Variants in ABCC10 observed in about 807,000 individuals in gnomAD.
The protein encoded by ABCC10 is ATP binding cassette subfamily C member 10.
In ABCC10, 110 loss-of-function variants were observed where a neutral mutation model predicts 143.2. The ratio of observed to expected loss-of-function variants is 0.77; its 90% CI spans 0.66 to 0.90. The LOEUF (loss-of-function observed/expected upper bound fraction) is 0.90, where lower values mean the gene tolerates loss of function less well. Ranked by LOEUF, ABCC10 falls within the 40% of genes least tolerant of loss-of-function variation. The pLI is 0.00. For synonymous variants in ABCC10, 805 were observed against 846.7 expected (o/e 0.95, Z 0.85); for missense variants, 1,700 against 1,900.5 (o/e 0.89, Z 1.96).
chr6:43,449,645 C>T (rs1426843615), intron 21 of ABCC10, 111 bp downstream of exon 21: 6 of 891,186 alleles, frequency 6.7e-6, no homozygotes, highest in South Asian at 1.7e-5. Context: ...CCTGCCCCCC[C>T]AGATCTCAGC....
downstream of ABCC10, chr6:43,450,891 G>T: frequency 1.9e-6 from 3 of 1,614,194 alleles, no homozygotes; most frequent in Non-Finnish European, 2.5e-6. The surrounding 1 kb of genome is among the most constrained non-coding windows in gnomAD (Gnocchi z 4.5). Flanking sequence ...TACAGCTGAG[G>T]TGGGCCCTAG....
chr6:43,429,112 A>C (rs1780817407), intron 2 of ABCC10, among the ~76,000 whole-genome samples: 1 of 152,204 alleles, frequency 6.6e-6, no homozygotes, highest in South Asian at 2.1e-4. Context: ...GTTGCTGAGA[A>C]GGGTTAGAGA....
intron 4 of ABCC10, chr6:43,435,115 C>T (rs759030767): frequency 5.5e-5 from 23 of 420,972 alleles, no homozygotes; most frequent in Non-Finnish European, 9.0e-5. Flanking sequence ...TCTTCATCCT[C>T]GTTCTAATGG....
In ABCC10 at chr6:43,432,231, T is replaced by G; in HGVS notation, c.251T>G (p.Leu84Arg). Residue 84 changes from leucine (L) to arginine (R), a missense_variant, in exon 3 of 22, where the codon CTT (leucine) becomes CGT (arginine). Leu to Arg is a moderately radical substitution (Grantham distance 102). Transcript: ENST00000372530. ...CTTTCCGTCTTCCCGCTGCTAGACCTTCTTCCAGTTGCTTTGCCACCAGGG... is the reference window on the plus strand; with the variant it reads ...CTTTCCGTCTTCCCGCTGCTAGACCGTCTTCCAGTTGCTTTGCCACCAGGG... ...FLLSVFPLLD[L>R]LPVALPPGAG... The G allele has an allele frequency of 6.2e-7, 1 of 1,614,252 alleles. No homozygotes were observed. The highest frequency in any genetic ancestry group is 8.5e-7 in the Non-Finnish European group (1 of 1,180,046).
rs371734025 is a variant in ABCC10 at position 43,444,958 on chromosome 6, G to A, written c.2840+20G>A. The A allele has an allele frequency of 5.6e-6, 9 of 1,601,154 alleles. No homozygotes were observed. In the African/African-American group the frequency reaches 1.1e-4, roughly 19 times the overall value. On this transcript the variant is annotated intron_variant, in intron 13 of 21. Transcript: ENST00000372530. ...CCTCTAGTGAGTGGCTGGGGCTGGG[G>A]GTAGGCCTGGTGCTCTCAGAGTGGT... is the stretch of plus-strand genomic sequence containing the variant.
At chr6:43,437,432 C>T (rs1367733250) in intron 6 of ABCC10, among the ~76,000 whole-genome samples, 2 of 74,330 alleles carry the variant, frequency 2.7e-5, no homozygotes, top group Admixed American at 2.7e-4. Flanking sequence ...GAACATATGA[C>T]CAAAAAAAAA....
In ABCC10 at chr6:43,447,816, G is replaced by A; in HGVS notation, c.3838G>A (p.Gly1280Ser). 1 of 1,613,612 alleles carries A rather than the reference G, an allele frequency of 6.2e-7. No individual in the cohort carries two copies. The highest frequency in any genetic ancestry group is 8.5e-7 in the Non-Finnish European group (1 of 1,180,016). ...GCCTGGAGAGAAGTTGGGCATCGTG[G>A]GCCGCACAGGCTCCGGCAAGTCTTC... The part of the protein sequence containing the change: ...VQPGEKLGIV[G>S]RTGSGKSSLL... Residue 1280 changes from glycine (G) to serine (S), a missense_variant, in exon 18 of 22, where the codon GGC becomes AGC. Physicochemically the swap from Gly to Ser is moderately conservative, Grantham distance 56. Coordinates refer to ENST00000372530, the MANE Select transcript of ABCC10 (RefSeq NM_001198934.2).
rs764089451 is a variant in ABCC10 at position 43,445,962 on chromosome 6, G to C, written c.3374+20G>C. The C allele has an allele frequency of 1.3e-6, 2 of 1,599,426 alleles. No homozygotes were observed. Among genetic ancestry groups the C allele is most frequent in the Non-Finnish European group, 1.7e-6 (2 of 1,170,204 alleles). On this transcript the variant is annotated intron_variant, in intron 15 of 21. Transcript: ENST00000372530. Reference sequence around the variant, plus strand: ...CTACAGGTGTGTGAACCAGAGCCCAGGGGGATGAGGTGTTGGGGGGAGAGG... The same window carrying C: ...CTACAGGTGTGTGAACCAGAGCCCACGGGGATGAGGTGTTGGGGGGAGAGG...
At chr6:43,429,165 C>T (rs1422368719) in intron 2 of ABCC10, among the ~76,000 whole-genome samples, 1 of 152,118 alleles carries the variant, frequency 6.6e-6, no homozygotes, top group African/African-American at 2.4e-5. Context: ...AAGGCTTTAA[C>T]TTGAGACTCA....
Position 43,433,132 on chromosome 6 carries a change from A to G in ABCC10, c.1152A>G (p.Leu384=). Residue 384 remains leucine (L), a synonymous_variant, in exon 3 of 22, where the codon CTA becomes CTG. Coordinates refer to ENST00000372530, the MANE Select transcript of ABCC10 (RefSeq NM_001198934.2). ...CTACTGGGGAGGCCCTGAACCTACT[A>G]GGCACTGACTCTGAACGGCTGCTTA... is the stretch of plus-strand genomic sequence containing the variant. The part of the protein sequence containing the change: ...RPPTGEALNL[L]GTDSERLLNF... 1 of 1,614,092 alleles carries G rather than the reference A, an allele frequency of 6.2e-7. No homozygotes were observed. Among genetic ancestry groups the G allele is most frequent in the Non-Finnish European group, 8.5e-7 (1 of 1,179,974 alleles).
At position 43,434,654 on chromosome 6, in the gene ABCC10, A is replaced by G. The variant is rs1411949105; in HGVS notation, c.1414A>G (p.Ile472Val). The change falls in exon 4 of 22, where the codon ATC becomes GTC. Residue 472 changes from isoleucine (I) to valine (V), a missense_variant. Coordinates refer to ENST00000372530, the MANE Select transcript of ABCC10 (RefSeq NM_001198934.2). ...AGAGCTGCTGAGTGGCATTCGGGTC[A>G]TCAAGTTCTGCGGGTGGGAGCAGGC... ...VTELLSGIRV[I>V]KFCGWEQALG... 2 of 1,614,094 alleles carry G rather than the reference A, an allele frequency of 1.2e-6. No individual in the cohort carries two copies. The highest frequency in any genetic ancestry group is 2.2e-5 in the East Asian group (1 of 44,882).
chr6:43,446,699 C>T (rs1289064646), intron 16 of ABCC10: 1 of 985,174 alleles, frequency 1.0e-6, no homozygotes, highest in Non-Finnish European at 1.2e-6. Flanking sequence ...TTCCCTGCTT[C>T]CACCCCGTCC....
chr6:43,433,633 G>C (rs144867604), intron 3 of ABCC10, among the ~76,000 whole-genome samples: 1 of 152,344 alleles, frequency 6.6e-6, no homozygotes, highest in East Asian at 1.9e-4. Context: ...GATCTCATGA[G>C]ATAATGCTTA....
intron 16 of ABCC10, chr6:43,446,908 C>T (rs1056961002): frequency 2.6e-5 from 27 of 1,046,152 alleles, no homozygotes; most frequent in Admixed American, 1.5e-4. Context: ...AGTGCAGTGG[C>T]ACGATCTCGG....
chr6:43,438,122 C>T (rs767370185), intron 7 of ABCC10, 109 bp downstream of exon 7: 37 of 1,219,202 alleles, frequency 3.0e-5, no homozygotes, highest in Non-Finnish European at 3.7e-5. Flanking sequence ...AGAAGAGCAA[C>T]GCATGGTCCC....
At chr6:43,440,430 G>A (rs2127398070) in intron 8 of ABCC10, among the ~76,000 whole-genome samples, 1 of 152,274 alleles carries the variant, frequency 6.6e-6, no homozygotes, top group East Asian at 1.9e-4. Flanking sequence ...TTTCCTTAGT[G>A]CCTACAACAG....
intron 2 of ABCC10, among the ~76,000 whole-genome samples, chr6:43,429,308 A>G (rs141572967): frequency 0.021 from 3,096 of 150,670 alleles, 54 homozygotes; most frequent in South Asian, 0.043. Context: ...TTGGGTCCCC[A>G]CATCTTAGGA....
chr6:43,434,753 GCCTGTGTATA>G lies in ABCC10; in HGVS notation c.1520_1529del (p.Val507GlyfsTer48). On this transcript the variant is annotated frameshift_variant, in exon 4 of 22. Transcript: ENST00000372530. LOFTEE classifies it high-confidence loss of function. The stretch of plus-strand genomic sequence containing the variant: ...CCGGGTCATCAAATACCTGGATGCG[GCCTGTGTATA>G]CCTGTGGGCTGCCCTACCGGTTGTC... 6.2e-7 allele frequency: 1 copy of G among 1,614,176 alleles called. No homozygotes were observed. The highest frequency in any genetic ancestry group is 2.2e-5 in the East Asian group (1 of 44,880).
At position 43,432,547 on chromosome 6, in the gene ABCC10, G is replaced by A; in HGVS notation, c.567G>A (p.Trp189Ter). 1 of 1,613,088 alleles carries A rather than the reference G, an allele frequency of 6.2e-7. No individual in the cohort carries two copies. Among genetic ancestry groups the A allele is most frequent in the South Asian group, 1.1e-5 (1 of 91,088 alleles). The change falls in exon 3 of 22, where the codon TGG (tryptophan) becomes TGA (stop). Residue 189 changes from tryptophan to a stop codon, truncating the protein, a stop_gained. Coordinates refer to ENST00000372530, the MANE Select transcript of ABCC10 (RefSeq NM_001198934.2). LOFTEE classifies it high-confidence loss of function. ...LAALLAYALGWAAPGGPREPW... is the reference protein window; with the variant it reads ...LAALLAYALG ...CACTCTTGGCCTATGCACTGGGATG[G>A]GCAGCTCCTGGGGGACCACGAGAAC...
Sources: allele counts gnomAD v4.1 joint callset (sites outside exome capture counted in the v4.1 genomes callset), GRCh38; gene constraint gnomAD v4.1.1; non-coding constraint Gnocchi (gnomAD v3.1); transcripts MANE v1.5; gene names NCBI Gene and HGNC (gene_info 2026-07-23, HGNC 2026-07-21).